GUF1: variants seen among roughly 807,000 people sequenced by gnomAD.
GUF1 encodes translation factor GUF1, mitochondrial.
Under a neutral mutation model 82.4 loss-of-function variants are expected in GUF1, and 78 were observed. The observed-to-expected ratio is 0.95, with a 90% CI of 0.79 to 1.14. The LOEUF is 1.14. GUF1 is among the 50% of genes most tolerant of loss of function. The pLI is 0.00. For missense variants in GUF1, 814 were observed against 798.2 expected, an observed-to-expected ratio of 1.02 and a Z score of -0.24; for synonymous variants, 279 against 282.3, an observed-to-expected ratio of 0.99 and a Z score of 0.12.
rs538108587 is a variant in GUF1 at position 44,689,444 on chromosome 4, G to A, written c.1202+35G>A. 2.9e-5 allele frequency: 45 copies of A among 1,570,482 alleles called. No individual in the cohort carries two copies. The South Asian group carries it at 4.4e-4, about 15-fold the overall frequency. On this transcript the variant is annotated intron_variant, in intron 10 of 16. Coordinates refer to ENST00000281543, the MANE Select transcript of GUF1 (RefSeq NM_021927.3). ...ATTCACATGTGTTTTATAGGAAAGG[G>A]AGGTGTAAATGGTGTATTTTAAAAA...
Position 44,683,285 on chromosome 4 carries a change from A to G in GUF1, c.636A>G (p.Lys212=). ...AAAGGGTTGAAAACCAAATTGAGAA[A>G]GTGTTTGATATTCCAAGTGATGAAT... is the stretch of plus-strand genomic sequence containing the variant. The part of the protein sequence containing the change: ...DPERVENQIE[K]VFDIPSDECI... Residue 212 remains lysine (K), a synonymous_variant, in exon 6 of 17, where the codon AAA becomes AAG. Transcript: ENST00000281543. 2 of 1,586,346 alleles carry G rather than the reference A, an allele frequency of 1.3e-6. No homozygotes were observed. Among genetic ancestry groups the G allele is most frequent in the Non-Finnish European group, 1.7e-6 (2 of 1,166,906 alleles).
chr4:44,687,036 AT>A lies in GUF1; in HGVS notation c.938+326del, dbSNP rs554461541. On this transcript the variant is annotated intron_variant, in intron 8 of 16. Coordinates refer to ENST00000281543, the MANE Select transcript of GUF1 (RefSeq NM_021927.3). ...ATCCATATTAGGTATCATTTTTGAC[AT>A]TTCTTCATAACTAGATTTTCCAATG... 1.3e-3 allele frequency among the ~76,000 whole-genome samples: 191 copies of A among 152,038 alleles called. 1 individual carries two copies. The highest frequency in any genetic ancestry group is 4.5e-3 in the African/African-American group (185 of 41,540).
At position 44,680,550 on chromosome 4, in the gene GUF1, C is replaced by A. The variant is rs749713534; in HGVS notation, c.275C>A (p.Thr92Lys). The change falls in exon 2 of 17, where the codon ACA (threonine) becomes AAA (lysine). Residue 92 changes from threonine (T) to lysine (K), a missense_variant and splice_region_variant. Thr to Lys is a moderately conservative substitution (Grantham distance 78). Transcript: ENST00000281543. ...TTAGCTGACAGGCTCCTAGAACTTA[C>A]AGGTATTTCATTTATGTTACATACT... is the stretch of plus-strand genomic sequence containing the variant. ...STLADRLLEL[T>K]GTIDKTKNNK... 6.3e-7 allele frequency: 1 copy of A among 1,588,626 alleles called. No homozygotes were observed. The highest frequency in any genetic ancestry group is 8.6e-7 in the Non-Finnish European group (1 of 1,161,972).
intron 14 of GUF1, among the ~76,000 whole-genome samples, chr4:44,695,084 G>A (rs566860312): frequency 1.3e-5 from 2 of 152,240 alleles, no homozygotes; most frequent in Admixed American, 1.3e-4. Context: ...ATTTACAGGC[G>A]TAAGCCACCG....
rs756192732 is a variant in GUF1, at chr4:44,682,302, C to A, written c.508-32C>A. 9 of 1,218,578 alleles carry A rather than the reference C, an allele frequency of 7.4e-6. No individual in the cohort carries two copies. The East Asian group carries it at 1.1e-4, about 15-fold the overall frequency. 75.5% of individuals were successfully genotyped at this position (1,218,578 alleles called of 1,614,324 possible). A position where few individuals can be genotyped will look rare whatever the true frequency, so the allele number is the denominator to read the frequency against. ...GTTTTGTGATATATAATAGAATGGTCATCTCAGTATCTTGTATCTTGATAT... is the reference window on the plus strand; with the variant it reads ...GTTTTGTGATATATAATAGAATGGTAATCTCAGTATCTTGTATCTTGATAT... On this transcript the variant is annotated intron_variant, in intron 4 of 16. Coordinates refer to ENST00000281543, the MANE Select transcript of GUF1 (RefSeq NM_021927.3).
intron 9 of GUF1, 75 bp from the exon 10 acceptor site, chr4:44,689,195 ACTAATTTGGAACTTGG>A: frequency 4.3e-6 from 5 of 1,152,010 alleles, no homozygotes; most frequent in Non-Finnish European, 5.7e-6. Context: ...AAGGTAAATG[ACTAATTTGGAACTTGG>A]CAGCACTACA....
Position 44,683,248 on chromosome 4 carries a change from A to G in GUF1, c.599A>G (p.Asn200Ser). Residue 200 changes from asparagine to serine, a missense_variant, in exon 6 of 17, where the codon AAT becomes AGT. By Grantham distance (46) the Asn-to-Ser change is conservative. Coordinates refer to ENST00000281543, the MANE Select transcript of GUF1 (RefSeq NM_021927.3). ...IPVINKIDLK[N>S]ADPERVENQI... is the part of the protein sequence containing the mutation. ...TTTTTTTTAAAGATAGATCTGAAGAATGCTGATCCTGAAAGGGTTGAAAAC... is the reference window on the plus strand; with the variant it reads ...TTTTTTTTAAAGATAGATCTGAAGAGTGCTGATCCTGAAAGGGTTGAAAAC... 4 of 1,577,286 alleles carry G rather than the reference A, an allele frequency of 2.5e-6. No individual in the cohort carries two copies. The highest frequency in any genetic ancestry group is 3.4e-6 in the Non-Finnish European group (4 of 1,160,800).
rs2109652611 is a variant in GUF1, at chr4:44,689,868, A to G, written c.1228A>G (p.Met410Val). ...GCTAGGATTTCTTGGACTTTTGCAC[A>G]TGGAAGTTTTCAACCAGCGACTGGA... ...WRLGFLGLLHMEVFNQRLEQE... is the reference protein window; with the variant it reads ...WRLGFLGLLHVEVFNQRLEQE... Residue 410 changes from methionine (M) to valine (V), a missense_variant, in exon 11 of 17, where the codon ATG becomes GTG. By Grantham distance (21) the Met-to-Val change is conservative. Transcript: ENST00000281543. 2 of 1,605,400 alleles carry G rather than the reference A, an allele frequency of 1.2e-6. No individual in the cohort carries two copies. Among genetic ancestry groups the G allele is most frequent in the Non-Finnish European group, 8.5e-7 (1 of 1,174,350 alleles).
At chr4:44,694,953 C>T (rs1715704374) in intron 14 of GUF1, among the ~76,000 whole-genome samples, 1 of 152,056 alleles carries the variant, frequency 6.6e-6, no homozygotes, top group African/African-American at 2.4e-5. Flanking sequence ...ACTACAAGCG[C>T]ATGCTACCAT....
chr4:44,696,897 A>C (rs1422144376), intron 15 of GUF1, among the ~76,000 whole-genome samples: 1 of 152,242 alleles, frequency 6.6e-6, no homozygotes, highest in Non-Finnish European at 1.5e-5. Context: ...GCTATTTTCA[A>C]AATTAGAGTG....
intron 9 of GUF1, 38 bp downstream of exon 9, chr4:44,688,184 T>C (rs1715188191): frequency 1.3e-6 from 2 of 1,567,908 alleles, no homozygotes; most frequent in Admixed American, 2.0e-5. Flanking sequence ...AGGGCCATGA[T>C]ATTTTTAAAC....
At position 44,697,203 on chromosome 4, in the gene GUF1, AATTT is replaced by A. The variant is rs550736240; in HGVS notation, c.1836-200_1836-197del. Among the ~76,000 whole-genome samples the A allele has an allele frequency of 3.0e-4, 45 of 152,296 alleles. No individual in the cohort carries two copies. The Middle Eastern group carries it at 0.014, about 46-fold the overall frequency. ...TTAATGTGTGTTGATAAACATGTTG[AATTT>A]ATTTGTTCTTTTATACCAAGTACAT... On this transcript the variant is annotated intron_variant, in intron 15 of 16. Transcript: ENST00000281543.
rs377419638 is a variant in GUF1, at chr4:44,689,244, G to T, written c.1079-42G>T. 7 of 1,513,242 alleles carry T rather than the reference G, an allele frequency of 4.6e-6. No individual in the cohort carries two copies. The African/African-American group carries it at 9.8e-5, about 21-fold the overall frequency. The allele number at this position is 1,513,242 out of a possible 1,614,324, so 93.7% of individuals were successfully genotyped here. On this transcript the variant is annotated intron_variant, in intron 9 of 16. Transcript: ENST00000281543. ...ACACATGTGGTTTGATAGGTCTGTA[G>T]GCAGCTTATCACGTGATAATTAGAA...
chr4:44,694,244 AC>A (rs1195963747), intron 13 of GUF1, 167 bp from the exon 14 acceptor site: 1 of 554,782 alleles, frequency 1.8e-6, no homozygotes, highest in Non-Finnish European at 3.2e-6. Flanking sequence ...TAAAAAGATA[AC>A]ATTTAGATCC....
At chr4:44,695,414 T>C (rs1715743936) in intron 14 of GUF1, among the ~76,000 whole-genome samples, 1 of 152,184 alleles carries the variant, frequency 6.6e-6, no homozygotes, top group Non-Finnish European at 1.5e-5. Flanking sequence ...AATGTTGTAT[T>C]TCTAAATATT....
intron 5 of GUF1, among the ~76,000 whole-genome samples, chr4:44,683,001 G>A (rs1714852937): frequency 6.6e-6 from 1 of 151,546 alleles, no homozygotes; most frequent in Admixed American, 6.6e-5. Flanking sequence ...TGCTGCCCTG[G>A]GTAGCTAACT....
chr4:44,678,616 C>T lies in GUF1; in HGVS notation c.-7C>T, dbSNP rs1357471391. 1.4e-6 allele frequency: 2 copies of T among 1,449,822 alleles called. No individual in the cohort carries two copies. Among genetic ancestry groups the T allele is most frequent in the Non-Finnish European group, 1.8e-6 (2 of 1,111,488 alleles). 89.8% of individuals were successfully genotyped at this position (1,449,822 alleles called of 1,614,324 possible). A position where few individuals can be genotyped will look rare whatever the true frequency, so the allele number is the denominator to read the frequency against. On this transcript the variant is annotated 5_prime_UTR_variant, in exon 1 of 17. Coordinates refer to ENST00000281543, the MANE Select transcript of GUF1 (RefSeq NM_021927.3). ...TACCCTCTCCTGACGCCTCCGCCGC[C>T]CGGGTCATGTGGACCCTCGTGGGTC...
chr4:44,680,853 T>C lies in GUF1; in HGVS notation c.426+11T>C. The C allele has an allele frequency of 6.3e-7, 1 of 1,593,828 alleles. No homozygotes were observed. The highest frequency in any genetic ancestry group is 1.1e-5 in the South Asian group (1 of 88,654). On this transcript the variant is annotated intron_variant, in intron 3 of 16. Coordinates refer to ENST00000281543, the MANE Select transcript of GUF1 (RefSeq NM_021927.3). ...CTCATTGATACACCGGTAAGTTTAA[T>C]ATTAATTTTGCATGTATTGTTAAAG... is the stretch of plus-strand genomic sequence containing the variant.
Position 44,680,479 on chromosome 4 carries a change from T to G in GUF1, c.204T>G (p.Ile68Met). ...TGTCTAGGTTTCCTGTTGAAAATAT[T>G]AGAAATTTCAGTATTGTTGCACACG... The part of the protein sequence containing the change: ...LDMSRFPVEN[I>M]RNFSIVAHVD... Residue 68 changes from isoleucine to methionine, a missense_variant, in exon 2 of 17, where the codon ATT (isoleucine) becomes ATG (methionine). Coordinates refer to ENST00000281543, the MANE Select transcript of GUF1 (RefSeq NM_021927.3). 3.1e-6 allele frequency: 5 copies of G among 1,607,900 alleles called. No individual in the cohort carries two copies. Among genetic ancestry groups the G allele is most frequent in the Non-Finnish European group, 4.3e-6 (5 of 1,176,416 alleles).
Sources: gnomAD v4.1 joint callset for allele counts (sites outside exome capture counted in the v4.1 genomes callset) on GRCh38, gnomAD v4.1.1 for gene constraint, MANE v1.5 for transcripts, NCBI Gene and HGNC (gene_info 2026-07-23, HGNC 2026-07-21) for gene names.